NDUFA10: variants seen among roughly 807,000 people sequenced by gnomAD.
NDUFA10 encodes the protein NADH dehydrogenase [ubiquinone] 1 alpha subcomplex subunit 10, mitochondrial.
In NDUFA10, 40 loss-of-function variants were observed where a neutral mutation model predicts 47.8. That is an observed-to-expected ratio of 0.84 (90% CI 0.65 to 1.09). The LOEUF is 1.09. NDUFA10 is among the 50% of genes least tolerant of loss of function. The pLI is 0.00. For missense variants in NDUFA10, 413 were observed against 451.1 expected (o/e 0.92, Z 0.76); for synonymous variants, 183 against 172.2 (o/e 1.06, Z -0.49).
chr2:239,968,240 C>T (rs1036834196), intron 9 of NDUFA10, among the ~76,000 whole-genome samples: 1 of 152,144 alleles, frequency 6.6e-6, no homozygotes, highest in African/African-American at 2.4e-5. Context: ...AGACAGCATG[C>T]GGATCAGCAG....
chr2:239,935,856 G>GT (rs1457802219), intron 4 of NDUFA10, among the ~76,000 whole-genome samples: 5 of 152,200 alleles, frequency 3.3e-5, no homozygotes, highest in African/African-American at 1.2e-4. Context: ...ACATGGAACT[G>GT]TGAGTCCATT....
chr2:240,022,102 GA>G, intron 2 of NDUFA10, 69 bp downstream of exon 2: 1 of 1,399,484 alleles, frequency 7.1e-7, no homozygotes, highest in Non-Finnish European at 9.8e-7. Context: ...TAATATTGAA[GA>G]AAAACCAGTG....
intron 4 of NDUFA10, among the ~76,000 whole-genome samples, chr2:239,911,393 T>C (rs180749048): frequency 1.3e-5 from 2 of 152,284 alleles, no homozygotes; most frequent in Admixed American, 1.3e-4. Context: ...CCACCAGCTC[T>C]GCAAACCCTG....
chr2:239,907,360 C>T (rs1484952985), intron 4 of NDUFA10, among the ~76,000 whole-genome samples: 1 of 152,178 alleles, frequency 6.6e-6, no homozygotes, highest in African/African-American at 2.4e-5. Flanking sequence ...GACTAAAACA[C>T]CAAAAGCAAT....
chr2:240,014,725 G>A lies in NDUFA10; in HGVS notation c.669+14C>T. 6.2e-7 allele frequency: 1 copy of A among 1,614,164 alleles called. No homozygotes were observed. Among genetic ancestry groups the A allele is most frequent in the South Asian group, 1.1e-5 (1 of 91,082 alleles). ...AAATAGAGATGCTTGGCCTTTGATT[G>A]AAAACTGCATTACATCTCCTTTCTT... On this transcript the variant is annotated intron_variant, in intron 5 of 9. Transcript: ENST00000252711.
chr2:239,932,321 T>C (rs544437250), intron 4 of NDUFA10, among the ~76,000 whole-genome samples: 12 of 152,354 alleles, frequency 7.9e-5, no homozygotes, highest in African/African-American at 2.6e-4. Flanking sequence ...GAAACTGTTG[T>C]ACCTGTGTTT....
intron 4 of NDUFA10, among the ~76,000 whole-genome samples, chr2:239,951,381 G>A (rs1368108546): frequency 6.6e-6 from 1 of 152,234 alleles, no homozygotes; most frequent in African/African-American, 2.4e-5. Context: ...CTGAGTCGTC[G>A]AAGGTGGTTG....
Position 240,022,173 on chromosome 2 carries a change from T to C in NDUFA10, c.243A>G (p.Leu81=). ...GKLAKEIAEK[L]GFKHFPEAGI... ...ATTCTGTGTAACATAAAATCATACC[T>C]AGTTTCTCTGCTATTTCTTTTGCAA... Residue 81 remains leucine, a splice_region_variant and synonymous_variant, in exon 2 of 10, where the codon CTA becomes CTG. Coordinates refer to ENST00000252711, the MANE Select transcript of NDUFA10 (RefSeq NM_004544.4). 6.2e-7 allele frequency: 1 copy of C among 1,607,436 alleles called. No individual in the cohort carries two copies. Among genetic ancestry groups the C allele is most frequent in the Admixed American group, 1.7e-5 (1 of 60,018 alleles).
rs1444924410 is a variant in NDUFA10, at chr2:239,960,753, CT to C, written c.*364del. On this transcript the variant is annotated 3_prime_UTR_variant, in exon 10 of 10. Transcript: ENST00000252711. The stretch of plus-strand genomic sequence containing the variant: ...CGATGGGGAAATTCCCATGGAAACA[CT>C]TTTATTTCTGGAAGTCAGAAGAAAA... The C allele has an allele frequency of 9.1e-6, 11 of 1,202,876 alleles. No individual in the cohort carries two copies. The East Asian group carries it at 3.6e-4, about 39-fold the overall frequency. 74.5% of individuals were successfully genotyped at this position (1,202,876 alleles called of 1,614,324 possible). A position where few individuals can be genotyped will look rare whatever the true frequency, so the allele number is the denominator to read the frequency against.
intron 8 of NDUFA10, among the ~76,000 whole-genome samples, chr2:239,993,822 G>T (rs530427552): frequency 2.0e-5 from 3 of 152,180 alleles, no homozygotes; most frequent in African/African-American, 7.2e-5. Flanking sequence ...AGGGAAAAAG[G>T]AGGGTTCAAG....
chr2:239,954,567 C>T (rs1026282494), downstream of NDUFA10, among the ~76,000 whole-genome samples: 4 of 152,240 alleles, frequency 2.6e-5, no homozygotes, highest in African/African-American at 9.6e-5. Flanking sequence ...CAAGATAACA[C>T]ATACTGCTGA....
chr2:239,892,491 G>C (rs1169481597), exon 6 of NDUFA10: 1 of 152,230 alleles, frequency 6.6e-6, no homozygotes, highest in East Asian at 1.9e-4. Context: ...AATGCTGTAA[G>C]ATGACGTATG....
At chr2:239,917,466 G>A (rs1164974618) in intron 4 of NDUFA10, among the ~76,000 whole-genome samples, 8 of 152,236 alleles carry the variant, frequency 5.3e-5, no homozygotes, top group Admixed American at 5.2e-4. Context: ...TATCTAAGCA[G>A]TGGAGTGAAG....
chr2:239,936,877 T>C (rs923263919), intron 4 of NDUFA10, among the ~76,000 whole-genome samples: 3 of 152,180 alleles, frequency 2.0e-5, no homozygotes, highest in Non-Finnish European at 4.4e-5. Flanking sequence ...GGAGAATTGC[T>C]TGAATCTGAG....
At chr2:239,976,318 G>A (rs1695518445) in intron 9 of NDUFA10, among the ~76,000 whole-genome samples, 1 of 151,942 alleles carries the variant, frequency 6.6e-6, no homozygotes, top group Admixed American at 6.6e-5. Context: ...CGCCCCACTC[G>A]CCACCCTCCC....
chr2:239,954,699 G>A (rs879665216), downstream of NDUFA10, among the ~76,000 whole-genome samples: 2 of 152,236 alleles, frequency 1.3e-5, no homozygotes, highest in Non-Finnish European at 2.9e-5. Flanking sequence ...ACAGTCTGAG[G>A]TCTTTCAAGT....
intron 4 of NDUFA10, among the ~76,000 whole-genome samples, chr2:240,017,607 C>T (rs1428483582): frequency 6.6e-6 from 1 of 152,190 alleles, no homozygotes; most frequent in Non-Finnish European, 1.5e-5. Context: ...ATATCCCTAG[C>T]ACCTAAGAGA....
At chr2:239,937,472 GC>G (rs1694283458) in intron 4 of NDUFA10, among the ~76,000 whole-genome samples, 1 of 152,126 alleles carries the variant, frequency 6.6e-6, no homozygotes, top group Non-Finnish European at 1.5e-5. Flanking sequence ...TACACTATGT[GC>G]TTTTTGTGGC....
intron 7 of NDUFA10, among the ~76,000 whole-genome samples, chr2:240,006,824 C>T (rs1477844728): frequency 2.0e-5 from 3 of 152,192 alleles, no homozygotes; most frequent in Admixed American, 2.0e-4. Context: ...CACCACAATG[C>T]TCTCCTTACT....
Sources: allele counts gnomAD v4.1 joint callset (sites outside exome capture counted in the v4.1 genomes callset), GRCh38; gene constraint gnomAD v4.1.1; transcripts MANE v1.5; gene names NCBI Gene and HGNC (gene_info 2026-07-23, HGNC 2026-07-21).